ZNF804A: variants seen among roughly 807,000 people sequenced by gnomAD.
The protein encoded by ZNF804A is zinc finger protein 804A.
A neutral mutation model predicts 16.5 loss-of-function variants in ZNF804A; 2 were observed. That is an observed-to-expected ratio of 0.12 (90% CI 0.05 to 0.38). ZNF804A has a LOEUF of 0.38. Among genes scored for constraint, ZNF804A ranks in the 10% least tolerant of loss-of-function variants. ZNF804A has a pLI of 0.99. For missense variants in ZNF804A, 1,473 were observed against 1,390.7 expected (o/e 1.06, Z -0.94); for synonymous variants, 534 against 489.6 (o/e 1.09, Z -1.20).
chr2:184,858,247 T>TA (rs1225964797), intron 1 of ZNF804A, among the ~76,000 whole-genome samples: 1 of 152,044 alleles, frequency 6.6e-6, no homozygotes, highest in Non-Finnish European at 1.5e-5. Flanking sequence ...CTCACACCTG[T>TA]AATCCCAGCA....
intron 1 of ZNF804A, among the ~76,000 whole-genome samples, chr2:184,745,747 A>T (rs991104763): frequency 2.6e-5 from 4 of 151,572 alleles, no homozygotes; most frequent in Non-Finnish European, 5.9e-5. Flanking sequence ...GATTACTTGG[A>T]TTATTACTAC....
At chr2:184,907,557 A>G (rs1038568484) in intron 2 of ZNF804A, among the ~76,000 whole-genome samples, 1 of 152,086 alleles carries the variant, frequency 6.6e-6, no homozygotes, top group Non-Finnish European at 1.5e-5. Flanking sequence ...AGCACCTTTA[A>G]TAGTGTTGTA....
intron 1 of ZNF804A, among the ~76,000 whole-genome samples, chr2:184,635,751 G>A (rs1406736297): frequency 6.6e-6 from 1 of 152,134 alleles, no homozygotes; most frequent in African/African-American, 2.4e-5. Flanking sequence ...TAGGGTGTCA[G>A]AAAGATTGAA....
At chr2:184,823,770 C>T (rs1253845319) in intron 1 of ZNF804A, among the ~76,000 whole-genome samples, 1 of 151,972 alleles carries the variant, frequency 6.6e-6, no homozygotes, top group Non-Finnish European at 1.5e-5. Context: ...ACCAAAAACC[C>T]TTTATATAAG....
chr2:184,885,456 G>C (rs781421244), intron 2 of ZNF804A, among the ~76,000 whole-genome samples: 5 of 152,082 alleles, frequency 3.3e-5, no homozygotes, highest in Admixed American at 6.6e-5. Flanking sequence ...ATCAAAAGTA[G>C]AGTGGATTAA....
intron 1 of ZNF804A, among the ~76,000 whole-genome samples, chr2:184,832,738 T>C (rs1333971620): frequency 6.6e-6 from 1 of 151,978 alleles, no homozygotes; most frequent in East Asian, 1.9e-4. Context: ...TACATAAATG[T>C]TATACAATCT....
chr2:184,660,809 A>T (rs1398175711), intron 1 of ZNF804A, among the ~76,000 whole-genome samples: 3 of 152,372 alleles, frequency 2.0e-5, no homozygotes, highest in East Asian at 3.9e-4. Context: ...GAATAAAGTC[A>T]CAAAGCATGG....
chr2:184,692,999 A>G (rs1219560702), intron 1 of ZNF804A, among the ~76,000 whole-genome samples: 1 of 152,206 alleles, frequency 6.6e-6, no homozygotes, highest in Admixed American at 6.5e-5. Flanking sequence ...AAAATATTTT[A>G]TCCAGTATTT....
At chr2:184,648,334 TATAAAACA>T (rs1392977332) in intron 1 of ZNF804A, among the ~76,000 whole-genome samples, 22 of 152,120 alleles carry the variant, frequency 1.4e-4, no homozygotes, top group African/African-American at 5.3e-4. Flanking sequence ...CCACAGGTCA[TATAAAACA>T]ATCACGCAAT....
At chr2:184,867,017 C>T (rs569396394) in intron 2 of ZNF804A, among the ~76,000 whole-genome samples, 55 of 151,620 alleles carry the variant, frequency 3.6e-4, no homozygotes, top group African/African-American at 1.3e-3. Flanking sequence ...TACAAATGGT[C>T]CTAGGTTATT....
At chr2:184,885,363 C>T (rs552367450) in intron 2 of ZNF804A, among the ~76,000 whole-genome samples, 1 of 152,224 alleles carries the variant, frequency 6.6e-6, no homozygotes, top group South Asian at 2.1e-4. Flanking sequence ...GAATATAAAC[C>T]TTCTACTATA....
chr2:184,882,351 T>C (rs2105818276), intron 2 of ZNF804A, among the ~76,000 whole-genome samples: 1 of 152,148 alleles, frequency 6.6e-6, no homozygotes, highest in African/African-American at 2.4e-5. Context: ...AACCGTAACA[T>C]AATACTGGAA....
At chr2:184,909,722 T>G (rs1685327906) in intron 2 of ZNF804A, among the ~76,000 whole-genome samples, 2 of 151,944 alleles carry the variant, frequency 1.3e-5, no homozygotes, top group African/African-American at 4.8e-5. Context: ...TATGTAGAAT[T>G]CTACCTTTTG....
intron 1 of ZNF804A, among the ~76,000 whole-genome samples, chr2:184,824,846 T>A (rs1249399912): frequency 6.6e-6 from 1 of 151,186 alleles, no homozygotes; most frequent in Non-Finnish European, 1.5e-5. Flanking sequence ...GGACACCAGC[T>A]GGAACACCTG....
chr2:184,637,916 A>G (rs1691726548), intron 1 of ZNF804A, among the ~76,000 whole-genome samples: 1 of 152,154 alleles, frequency 6.6e-6, no homozygotes, highest in Non-Finnish European at 1.5e-5. Flanking sequence ...TTACCATTAT[A>G]TTCTGAACCC....
chr2:184,614,741 A>G (rs768243323), intron 1 of ZNF804A, among the ~76,000 whole-genome samples: 1 of 152,246 alleles, frequency 6.6e-6, no homozygotes, highest in Non-Finnish European at 1.5e-5. Context: ...GTGAACAGAC[A>G]CTTCTGAAAA....
chr2:184,817,757 A>G (rs1695004922), intron 1 of ZNF804A, among the ~76,000 whole-genome samples: 1 of 152,022 alleles, frequency 6.6e-6, no homozygotes, highest in South Asian at 2.1e-4. Context: ...AATTCACAAT[A>G]CAGTCACAGG....
Position 184,598,889 on chromosome 2 carries a change from C to T in ZNF804A, c.-71C>T. ...GTTCCCAGCCCACCGTCGCCGGCCC[C>T]GGCGCGCTGCGGCTGTGGGCGCGGG... On this transcript the variant is annotated 5_prime_UTR_variant, in exon 1 of 4. Transcript: ENST00000302277. 16 of 1,033,512 alleles carry T rather than the reference C, an allele frequency of 1.5e-5. No individual in the cohort carries two copies. The highest frequency in any genetic ancestry group is 2.0e-5 in the Non-Finnish European group (15 of 751,044). The allele number at this position is 1,033,512 out of a possible 1,614,324, so 64.0% of individuals were successfully genotyped here.
intron 2 of ZNF804A, among the ~76,000 whole-genome samples, chr2:184,909,211 C>A (rs926254475): frequency 6.6e-6 from 1 of 152,058 alleles, no homozygotes; most frequent in Non-Finnish European, 1.5e-5. Context: ...TTTGTCCCAA[C>A]TGGTTTTATC....
Sources: gnomAD v4.1 joint callset for allele counts (sites outside exome capture counted in the v4.1 genomes callset) on GRCh38, gnomAD v4.1.1 for gene constraint, MANE v1.5 for transcripts, NCBI Gene and HGNC (gene_info 2026-07-23, HGNC 2026-07-21) for gene names.